VWA8: variants seen among roughly 807,000 people sequenced by gnomAD.
The protein encoded by VWA8 is von Willebrand factor A domain-containing protein 8.
A neutral mutation model predicts 241.5 loss-of-function variants in VWA8; 221 were observed. The observed-to-expected ratio is 0.91, with a 90% confidence interval of 0.82 to 1.02. The LOEUF is 1.02. Among genes scored for constraint, VWA8 ranks in the 50% least tolerant of loss-of-function variants. VWA8 has a pLI of 0.00. For missense variants in VWA8, 2,322 were observed against 2,328.7 expected (o/e 1.00, Z 0.06); for synonymous variants, 852 against 827.1 (o/e 1.03, Z -0.52).
chr13:41,674,410 G>A (rs1829107324), intron 36 of VWA8, among the ~76,000 whole-genome samples: 1 of 152,178 alleles, frequency 6.6e-6, no homozygotes, highest in South Asian at 2.1e-4. Flanking sequence ...GTGGCAATGT[G>A]AGGGAGTACA....
chr13:41,585,662 G>A (rs1340705464), intron 42 of VWA8, among the ~76,000 whole-genome samples: 2 of 151,912 alleles, frequency 1.3e-5, no homozygotes, highest in African/African-American at 2.4e-5. Flanking sequence ...TCAGGAGTTC[G>A]AGACCAGCCT....
chr13:41,699,112 C>T lies in VWA8; in HGVS notation c.3523G>A (p.Gly1175Arg). 1.2e-6 allele frequency: 2 copies of T among 1,613,996 alleles called. 1 individual carries two copies. The highest frequency in any genetic ancestry group is 2.2e-5 in the South Asian group (2 of 91,078). ...WHPFVTVAPL[G>R]SPLKGQVVLH... is the part of the protein sequence containing the mutation. The stretch of plus-strand genomic sequence containing the variant: ...ACCACTTGACCTTTGAGAGGACTTC[C>T]CAGCGGTGCCACTGTCACAAAAGGG... The change falls in exon 29 of 45, where the codon GGA (glycine) becomes AGA (arginine). Residue 1175 changes from glycine (G) to arginine (R), a missense_variant. Physicochemically the swap from Gly to Arg is moderately radical, Grantham distance 125. Transcript: ENST00000379310.
intron 26 of VWA8, 67 bp downstream of exon 26, chr13:41,719,524 T>C: frequency 6.2e-7 from 1 of 1,604,134 alleles, no homozygotes; most frequent in Non-Finnish European, 8.5e-7. Context: ...CTCAGTTTTG[T>C]AGAATGGAAT....
At chr13:41,600,820 T>A (rs568240512) in intron 40 of VWA8, among the ~76,000 whole-genome samples, 7 of 152,216 alleles carry the variant, frequency 4.6e-5, no homozygotes, top group African/African-American at 1.7e-4. Context: ...CAGTGTCACT[T>A]GTCTTTTTGT....
At chr13:41,698,613 G>A (rs1023415848) in intron 29 of VWA8, among the ~76,000 whole-genome samples, 2 of 152,106 alleles carry the variant, frequency 1.3e-5, no homozygotes, top group Admixed American at 6.6e-5. Context: ...ATAAAATGTC[G>A]TCTCCTAAAA....
At chr13:41,796,328 G>A (rs1486741201) in intron 17 of VWA8, among the ~76,000 whole-genome samples, 1 of 152,000 alleles carries the variant, frequency 6.6e-6, no homozygotes, top group Non-Finnish European at 1.5e-5. Flanking sequence ...AACCACTCAG[G>A]AATGGTCTTT....
At position 41,701,410 on chromosome 13, in the gene VWA8, C is replaced by CAATATA; in HGVS notation, c.3345_3346insTATATT (p.Cys1115_Asp1116insTyrIle). The CAATATA allele has an allele frequency of 6.2e-7, 1 of 1,605,684 alleles. No individual in the cohort carries two copies. The highest frequency in any genetic ancestry group is 8.5e-7 in the Non-Finnish European group (1 of 1,177,156). On this transcript the variant is annotated inframe_insertion, in exon 28 of 45. Coordinates refer to ENST00000379310, the MANE Select transcript of VWA8 (RefSeq NM_015058.2). ...GACATACCATGTGATGTAGCAATGTCACAGATTATATTAATTTCATCCAAT... is the reference window on the plus strand; with the variant it reads ...GACATACCATGTGATGTAGCAATGTCAATATAACAGATTATATTAATTTCATCCAAT...
Position 41,567,240 on chromosome 13 carries a change from AGTT to A in VWA8, c.*954_*956del, listed in dbSNP as rs762956023. 2.6e-4 allele frequency: 39 copies of A among 152,236 alleles called. No individual in the cohort carries two copies. Among genetic ancestry groups the A allele is most frequent in the Non-Finnish European group, 4.6e-4 (31 of 68,048 alleles). The allele number at this position is 152,236 out of a possible 1,614,324, so 9.4% of individuals were successfully genotyped here. On this transcript the variant is annotated 3_prime_UTR_variant, in exon 45 of 45. Transcript: ENST00000379310. ...GAAAAGAGAATGAGGCTTTAAAAAA[AGTT>A]GTTTTCTTTCTTTTTGTTACAGCTA...
intron 12 of VWA8, among the ~76,000 whole-genome samples, chr13:41,849,388 ATTTTC>A (rs1872428710): frequency 6.6e-6 from 1 of 152,112 alleles, no homozygotes; most frequent in Admixed American, 6.5e-5. Flanking sequence ...ACCCTTCATT[ATTTTC>A]TTTTTCAATA....
At chr13:41,805,542 G>A (rs918357701) in intron 17 of VWA8, among the ~76,000 whole-genome samples, 3 of 152,064 alleles carry the variant, frequency 2.0e-5, no homozygotes, top group Admixed American at 6.6e-5. Context: ...GGCTGGGTGC[G>A]GTGGCTCATG....
chr13:41,841,822 TATATATATA>T (rs1235490110), intron 12 of VWA8, among the ~76,000 whole-genome samples: 1 of 14,394 alleles, frequency 6.9e-5, no homozygotes, highest in Non-Finnish European at 1.2e-4. Context: ...AAAAAAAAAA[TATATATATA>T]TATATATATA....
At chr13:41,893,573 T>C (rs559635019) in intron 4 of VWA8, among the ~76,000 whole-genome samples, 11 of 151,532 alleles carry the variant, frequency 7.3e-5, no homozygotes, top group Non-Finnish European at 1.3e-4. Context: ...GTCGTAGAAA[T>C]AGATTCTGGG....
At chr13:41,917,875 T>C (rs1373333771) in intron 2 of VWA8, among the ~76,000 whole-genome samples, 4 of 152,200 alleles carry the variant, frequency 2.6e-5, no homozygotes, top group Admixed American at 6.5e-5. Context: ...TCTAGGCCCA[T>C]AACATGCCCC....
chr13:41,628,662 G>T (rs1046153461), intron 37 of VWA8, among the ~76,000 whole-genome samples: 3 of 152,082 alleles, frequency 2.0e-5, no homozygotes, highest in Non-Finnish European at 2.9e-5. Flanking sequence ...ATTATCCTAA[G>T]CAAATTAATG....
intron 2 of VWA8, among the ~76,000 whole-genome samples, chr13:41,948,105 T>C (rs779144098): frequency 2.0e-5 from 3 of 152,104 alleles, no homozygotes; most frequent in Non-Finnish European, 2.9e-5. Flanking sequence ...ATATTCACAA[T>C]AGTCCGAAAG....
chr13:41,648,529 G>A (rs1225855860), intron 37 of VWA8, among the ~76,000 whole-genome samples: 2 of 152,198 alleles, frequency 1.3e-5, no homozygotes, highest in African/African-American at 2.4e-5. Context: ...AGACTTAACT[G>A]TGAACTTTCC....
chr13:41,837,820 T>C (rs1871810533), intron 12 of VWA8, among the ~76,000 whole-genome samples: 1 of 152,200 alleles, frequency 6.6e-6, no homozygotes, highest in Non-Finnish European at 1.5e-5. Context: ...CATATATTTT[T>C]CTTATCCTGA....
chr13:41,861,433 A>C (rs1873001316), intron 12 of VWA8, among the ~76,000 whole-genome samples: 1 of 152,206 alleles, frequency 6.6e-6, no homozygotes, highest in Non-Finnish European at 1.5e-5. Context: ...CCTATTCAAC[A>C]TAGTACTAGA....
intron 34 of VWA8, among the ~76,000 whole-genome samples, chr13:41,686,784 C>T (rs1241513508): frequency 6.6e-6 from 1 of 152,122 alleles, no homozygotes; most frequent in Non-Finnish European, 1.5e-5. Context: ...ACTCCCTGGG[C>T]AGATGCTCCA....
Sources: gnomAD v4.1 joint callset for allele counts (sites outside exome capture counted in the v4.1 genomes callset) on GRCh38, gnomAD v4.1.1 for gene constraint, MANE v1.5 for transcripts, NCBI Gene and HGNC (gene_info 2026-07-23, HGNC 2026-07-21) for gene names.